The following TRHDE variants were observed in gnomAD, a reference collection of about 807,000 sequenced individuals.
TRHDE encodes thyrotropin-releasing hormone-degrading ectoenzyme.
TRHDE carries 72 observed loss-of-function variants against 125.7 expected under a neutral mutation model. The ratio of observed to expected loss-of-function variants is 0.57; its 90% confidence interval spans 0.47 to 0.70. TRHDE has a LOEUF of 0.70. Ranked by LOEUF, TRHDE falls within the 30% of genes least tolerant of loss-of-function variation. TRHDE has a pLI of 0.00. For synonymous variants in TRHDE, 509 were observed against 509.1 expected, an observed-to-expected ratio of 1.00 and a Z score of 0.00; for missense variants, 1,110 against 1,327.1, an observed-to-expected ratio of 0.84 and a Z score of 2.54.
intron 2 of TRHDE, among the ~76,000 whole-genome samples, chr12:72,248,367 G>A (rs921592315): frequency 2.2e-5 from 3 of 136,078 alleles, no homozygotes; most frequent in Non-Finnish European, 4.6e-5. Flanking sequence ...GCAGTGAGCC[G>A]AGATCGCGCC....
intron 2 of TRHDE, among the ~76,000 whole-genome samples, chr12:72,155,079 G>T (rs1485828035): frequency 6.6e-6 from 1 of 152,110 alleles, no homozygotes; most frequent in Non-Finnish European, 1.5e-5. Flanking sequence ...ATTTCTTGGA[G>T]GTTTTGTTCA....
intron 12 of TRHDE, chr12:72,611,188 T>G (rs1451403686): frequency 1.5e-5 from 3 of 198,824 alleles, no homozygotes; most frequent in African/African-American, 7.0e-5. Flanking sequence ...TTTTGTCCTG[T>G]CTGTGCTGAT....
intron 6 of TRHDE, among the ~76,000 whole-genome samples, chr12:72,509,345 T>C (rs1038965121): frequency 1.3e-5 from 2 of 151,744 alleles, no homozygotes; most frequent in Non-Finnish European, 2.9e-5. Flanking sequence ...TCTCTACTCA[T>C]TCTATTCTCC....
At chr12:72,367,358 G>T (rs968338029) in intron 2 of TRHDE, among the ~76,000 whole-genome samples, 7 of 152,014 alleles carry the variant, frequency 4.6e-5, no homozygotes, top group Non-Finnish European at 1.0e-4. Flanking sequence ...AAAGCCTCAT[G>T]TCCAGTCTTC....
intron 6 of TRHDE, among the ~76,000 whole-genome samples, chr12:72,518,680 C>A (rs1386331111): frequency 6.6e-6 from 1 of 151,890 alleles, no homozygotes; most frequent in African/African-American, 2.4e-5. Flanking sequence ...GAATTTGATC[C>A]TGTCATTATG....
At chr12:72,134,371 C>T (rs533458297) in intron 2 of TRHDE, among the ~76,000 whole-genome samples, 8 of 151,858 alleles carry the variant, frequency 5.3e-5, no homozygotes, top group African/African-American at 1.7e-4. Flanking sequence ...GAAGAAAACG[C>T]GGGAAAGGAG....
chr12:72,313,300 A>G (rs921939022), intron 2 of TRHDE, among the ~76,000 whole-genome samples: 4 of 151,912 alleles, frequency 2.6e-5, no homozygotes, highest in South Asian at 2.1e-4. Flanking sequence ...TATTTATACA[A>G]GTTTTTAAAT....
intron 18 of TRHDE, 124 bp from the exon 19 acceptor site, chr12:72,662,928 G>A (rs564696212): frequency 1.0e-6 from 1 of 964,494 alleles, no homozygotes; most frequent in Non-Finnish European, 1.5e-6. Context: ...TTCTATAGTG[G>A]TCATGGCATT....
intron 2 of TRHDE, among the ~76,000 whole-genome samples, chr12:72,184,888 A>G (rs12809662): frequency 0.028 from 4,306 of 152,236 alleles, 96 homozygotes; most frequent in South Asian, 0.11. Context: ...CAGTCCTCAG[A>G]GCCCTCGCTT....
intron 3 of TRHDE, among the ~76,000 whole-genome samples, chr12:72,400,248 T>C (rs973280859): frequency 1.3e-5 from 2 of 152,204 alleles, no homozygotes; most frequent in African/African-American, 4.8e-5. Context: ...AGAAGGTATT[T>C]TATACAGTGT....
intron 2 of TRHDE, among the ~76,000 whole-genome samples, chr12:72,171,955 T>A (rs542130176): frequency 1.6e-4 from 25 of 152,334 alleles, no homozygotes; most frequent in Admixed American, 1.3e-4. Context: ...AGTCTTCACA[T>A]GCCCACTGTT....
intron 3 of TRHDE, among the ~76,000 whole-genome samples, chr12:72,426,309 G>A (rs986949866): frequency 6.6e-6 from 1 of 151,852 alleles, no homozygotes; most frequent in African/African-American, 2.4e-5. Flanking sequence ...ATATATCCTG[G>A]GGCTTCCTAT....
intron 12 of TRHDE, chr12:72,610,622 C>G (rs960331807): frequency 6.6e-6 from 1 of 152,202 alleles, no homozygotes; most frequent in Non-Finnish European, 1.5e-5. Flanking sequence ...CCTGGGTCTG[C>G]GCTAGGTCTC....
chr12:72,426,700 C>T (rs1386835289), intron 3 of TRHDE, among the ~76,000 whole-genome samples: 2 of 148,994 alleles, frequency 1.3e-5, no homozygotes, highest in East Asian at 4.3e-4. Flanking sequence ...AGAGATATGG[C>T]AACCACAAAA....
At chr12:72,488,398 A>C (rs1431667826) in intron 5 of TRHDE, among the ~76,000 whole-genome samples, 4 of 152,094 alleles carry the variant, frequency 2.6e-5, no homozygotes, top group Admixed American at 6.5e-5. Flanking sequence ...AATCACAAAC[A>C]ATCAAAAGAG....
At chr12:72,485,172 A>AG (rs1354700918) in intron 5 of TRHDE, among the ~76,000 whole-genome samples, 1 of 152,124 alleles carries the variant, frequency 6.6e-6, no homozygotes, top group Non-Finnish European at 1.5e-5. Context: ...CCACACACTG[A>AG]GCTACACCCA....
chr12:72,411,202 C>CA (rs561779856), intron 3 of TRHDE, among the ~76,000 whole-genome samples: 3,629 of 58,336 alleles, frequency 0.062, 165 homozygotes, highest in African/African-American at 0.16. Context: ...GACTCCATTT[C>CA]AAAAAAAAAA....
chr12:72,459,208 T>A (rs192634222), intron 3 of TRHDE, among the ~76,000 whole-genome samples: 268 of 152,294 alleles, frequency 1.8e-3, no homozygotes, highest in Non-Finnish European at 2.1e-3. Context: ...CTGCTTTCAC[T>A]TTTTAAGACA....
chr12:72,381,518 C>G (rs1032856288), intron 3 of TRHDE, among the ~76,000 whole-genome samples: 10 of 150,986 alleles, frequency 6.6e-5, no homozygotes, highest in Non-Finnish European at 8.9e-5. Flanking sequence ...GCCTCAGCCT[C>G]CCAAGTAGCT....
Sources: gnomAD v4.1 joint callset for allele counts (sites outside exome capture counted in the v4.1 genomes callset) on GRCh38, gnomAD v4.1.1 for gene constraint, MANE v1.5 for transcripts, NCBI Gene and HGNC (gene_info 2026-07-23, HGNC 2026-07-21) for gene names.